The following TAPT1 variants were observed in gnomAD, a reference collection of about 807,000 sequenced individuals.
The protein encoded by TAPT1 is transmembrane anterior posterior transformation protein 1 homolog.
Under a neutral mutation model 65.6 loss-of-function variants are expected in TAPT1, and 28 were observed. The ratio of observed to expected loss-of-function variants is 0.43; its 90% CI spans 0.32 to 0.59. TAPT1 has a LOEUF of 0.59. Ranked by LOEUF, TAPT1 falls within the 20% of genes least tolerant of loss-of-function variation. The probability of loss-of-function intolerance (pLI) is 0.09; values close to 1 mark genes in which losing one functional copy is unlikely to be tolerated. For missense variants in TAPT1, 563 were observed against 679.9 expected, an observed-to-expected ratio of 0.83 and a Z score of 1.91; for synonymous variants, 278 against 245.2, an observed-to-expected ratio of 1.13 and a Z score of -1.25.
intron 2 of TAPT1, among the ~76,000 whole-genome samples, chr4:16,211,511 G>T (rs1221272404): frequency 6.6e-6 from 1 of 152,100 alleles, no homozygotes; most frequent in Admixed American, 6.6e-5. Context: ...GCTCCAAACA[G>T]AAAATCATGA....
chr4:16,213,099 C>T (rs908249406), intron 2 of TAPT1, among the ~76,000 whole-genome samples: 1 of 152,214 alleles, frequency 6.6e-6, no homozygotes, highest in Non-Finnish European at 1.5e-5. Flanking sequence ...ATAGCTGAAG[C>T]TGAATTATTT....
At chr4:16,173,497 C>T (rs1748133167) in intron 11 of TAPT1, among the ~76,000 whole-genome samples, 1 of 151,910 alleles carries the variant, frequency 6.6e-6, no homozygotes, top group Non-Finnish European at 1.5e-5. Flanking sequence ...CGGCTCACTG[C>T]AAGCTCCACC....
In TAPT1 at chr4:16,199,273, TAAG is replaced by T. The variant is rs577962197; in HGVS notation, c.449+3186_449+3188del. ...TTCAGTTAATCCAAAGCAGAAATAG[TAAG>T]AAGTGTTTGCAGGGGAAATCCTCAA... On this transcript the variant is annotated intron_variant, in intron 3 of 13. Transcript: ENST00000405303. Among the ~76,000 whole-genome samples the T allele has an allele frequency of 5.1e-4, 77 of 152,304 alleles. 1 individual carries two copies. The highest frequency in any genetic ancestry group is 1.4e-3 in the African/African-American group (59 of 41,582).
chr4:16,180,351 C>T (rs945489715), intron 7 of TAPT1, among the ~76,000 whole-genome samples: 2 of 152,300 alleles, frequency 1.3e-5, no homozygotes, highest in African/African-American at 4.8e-5. Flanking sequence ...GTCTAAGATA[C>T]CGTGTAACCA....
intron 4 of TAPT1, among the ~76,000 whole-genome samples, chr4:16,189,263 G>A (rs545305303): frequency 1.3e-5 from 2 of 152,186 alleles, no homozygotes; most frequent in South Asian, 4.2e-4. Flanking sequence ...AATCTCTTGT[G>A]GCTCCTATGG....
intron 8 of TAPT1, among the ~76,000 whole-genome samples, chr4:16,178,063 G>C (rs944172207): frequency 3.9e-5 from 6 of 152,100 alleles, no homozygotes; most frequent in Non-Finnish European, 8.8e-5. Context: ...CTCAGCTTTG[G>C]GAATTGCTGA....
At chr4:16,221,201 A>G (rs990089941) in intron 1 of TAPT1, among the ~76,000 whole-genome samples, 3 of 151,892 alleles carry the variant, frequency 2.0e-5, no homozygotes, top group African/African-American at 7.3e-5. Flanking sequence ...TCTCACTGCA[A>G]CCTCCACCTC....
At chr4:16,221,875 G>A (rs1751274459) in intron 1 of TAPT1, among the ~76,000 whole-genome samples, 1 of 152,070 alleles carries the variant, frequency 6.6e-6, no homozygotes, top group African/African-American at 2.4e-5. Context: ...AGCTTTTCTG[G>A]GACTCAATCA....
rs781162028 is a variant in TAPT1, at chr4:16,163,457, C to T, written c.1555G>A (p.Val519Met). Residue 519 changes from valine to methionine, a missense_variant, in exon 14 of 14, where the codon GTG becomes ATG. Transcript: ENST00000405303. Reference protein sequence around the residue: ...HQKENIIPLLVTSNSDQFLTT... With the variant: ...HQKENIIPLLMTSNSDQFLTT... ...AAAAACTGATCAGAATTGCTTGTCA[C>T]AAGTAATGGTATGATATTTTCCTTT... The T allele has an allele frequency of 1.2e-6, 2 of 1,613,824 alleles. No individual in the cohort carries two copies. Among genetic ancestry groups the T allele is most frequent in the East Asian group, 2.2e-5 (1 of 44,884 alleles).
chr4:16,174,413 G>A, intron 10 of TAPT1, 141 bp from the exon 11 acceptor site: 2 of 774,442 alleles, frequency 2.6e-6, no homozygotes, highest in South Asian at 2.0e-5. Flanking sequence ...ATAAAATGAT[G>A]TGGAAATCCA....
At position 16,161,519 on chromosome 4, in the gene TAPT1, T is replaced by G. The variant is rs116825740; in HGVS notation, c.*1789A>C. The stretch of plus-strand genomic sequence containing the variant: ...TTCCTGCTCTGAAATCAGGGTTGTG[T>G]TTGGCAAAGCTTTCCCCAAACTATT... On this transcript the variant is annotated 3_prime_UTR_variant, in exon 14 of 14. Transcript: ENST00000405303. The G allele has an allele frequency of 4.4e-3, 673 of 152,738 alleles. 5 individuals carry two copies. The highest frequency in any genetic ancestry group is 0.016 in the African/African-American group (652 of 41,546). 9.5% of individuals were successfully genotyped at this position (152,738 alleles called of 1,614,324 possible). A position where few individuals can be genotyped will look rare whatever the true frequency, so the allele number is the denominator to read the frequency against.
chr4:16,220,358 T>G (rs949715981), intron 1 of TAPT1, among the ~76,000 whole-genome samples: 7 of 152,244 alleles, frequency 4.6e-5, no homozygotes, highest in Non-Finnish European at 5.9e-5. Flanking sequence ...ACCTCTACGT[T>G]TTAAAAATAA....
intron 2 of TAPT1, among the ~76,000 whole-genome samples, chr4:16,203,167 C>CTAG (rs1170433104): frequency 1.3e-5 from 2 of 152,136 alleles, no homozygotes; most frequent in East Asian, 3.9e-4. Flanking sequence ...AAGTTTAGGA[C>CTAG]TATATTTCAC....
intron 3 of TAPT1, 118 bp downstream of exon 3, chr4:16,202,344 G>A (rs921608065): frequency 5.4e-6 from 3 of 556,096 alleles, no homozygotes; most frequent in African/African-American, 3.9e-5. Context: ...AACAGTTTAT[G>A]CATGAAGGGC....
chr4:16,172,980 C>A (rs768288753), intron 11 of TAPT1, among the ~76,000 whole-genome samples: 1 of 151,924 alleles, frequency 6.6e-6, no homozygotes, highest in Non-Finnish European at 1.5e-5. Context: ...CCTGCCACCA[C>A]GCCTGACTAA....
chr4:16,226,337 G>A lies in TAPT1; in HGVS notation c.121C>T (p.Pro41Ser). The A allele has an allele frequency of 8.9e-7, 1 of 1,119,286 alleles. No homozygotes were observed. The allele number at this position is 1,119,286 out of a possible 1,614,324, so 69.3% of individuals were successfully genotyped here. A position where few individuals can be genotyped will look rare whatever the true frequency, so the allele number is the denominator to read the frequency against. The change falls in exon 1 of 14, where the codon CCG becomes TCG. Residue 41 changes from proline (P) to serine (S), a missense_variant. Pro to Ser is a moderately conservative substitution (Grantham distance 74). Around this residue, in one of 5 missense-constraint regions of TAPT1, gnomAD observed 103 missense variants for 89.4 expected, o/e 1.15. Transcript: ENST00000405303. ...GTCTCTGTGAGCTGAGGCGCCGGCG[G>A]GGGCCCCTGTCCGCCGCTGCCGCCC... ...QPGGSGGQGP[P>S]PAPQLTETLG...
chr4:16,225,672 A>AT (rs1408135378), intron 1 of TAPT1, among the ~76,000 whole-genome samples: 1 of 152,028 alleles, frequency 6.6e-6, no homozygotes, highest in Non-Finnish European at 1.5e-5. Context: ...TCATCTAGTA[A>AT]TTTTTTTGGC....
At chr4:16,191,799 G>C (rs1294961405) in intron 3 of TAPT1, among the ~76,000 whole-genome samples, 1 of 152,122 alleles carries the variant, frequency 6.6e-6, no homozygotes, top group African/African-American at 2.4e-5. Flanking sequence ...CTACTGATAG[G>C]GTGCTTTCCA....
intron 3 of TAPT1, among the ~76,000 whole-genome samples, chr4:16,193,926 C>A (rs982623288): frequency 6.6e-6 from 1 of 152,134 alleles, no homozygotes; most frequent in Non-Finnish European, 1.5e-5. Flanking sequence ...ATTTTGATAA[C>A]TAATTAAAGT....
Sources: gnomAD v4.1 joint callset for allele counts (sites outside exome capture counted in the v4.1 genomes callset) on GRCh38, gnomAD v4.1.1 for gene constraint, gnomAD v4.1.1 regional missense constraint, MANE v1.5 for transcripts, NCBI Gene and HGNC (gene_info 2026-07-23, HGNC 2026-07-21) for gene names.